The following RAD52 variants were observed in gnomAD, a reference collection of about 807,000 sequenced individuals.
RAD52 encodes RAD52 DNA repair protein.
A neutral mutation model predicts 55.5 loss-of-function variants in RAD52; 47 were observed. That is an observed-to-expected ratio of 0.85 (90% CI 0.67 to 1.08). The LOEUF is 1.08. RAD52 is among the 50% of genes least tolerant of loss of function. The pLI is 0.00. For missense variants in RAD52, 468 were observed against 522.8 expected (o/e 0.90, Z 1.02); for synonymous variants, 184 against 198.9 (o/e 0.92, Z 0.63).
intron 1 of RAD52, among the ~76,000 whole-genome samples, chr12:965,886 C>CT (rs1565706696): frequency 6.6e-6 from 1 of 151,984 alleles, no homozygotes; most frequent in Non-Finnish European, 1.5e-5. Context: ...AGGGTTTCGC[C>CT]TGTTGGCCAG....
At chr12:923,345 G>C (rs1216470821) in intron 7 of RAD52, among the ~76,000 whole-genome samples, 1 of 151,798 alleles carries the variant, frequency 6.6e-6, no homozygotes, top group African/African-American at 2.4e-5. Flanking sequence ...TTCATGACCA[G>C]CCCTGAGAAA....
chr12:985,760 A>G (rs1959077618), intron 1 of RAD52, among the ~76,000 whole-genome samples: 1 of 152,080 alleles, frequency 6.6e-6, no homozygotes, highest in Non-Finnish European at 1.5e-5. Context: ...CTCCTGCCTC[A>G]GCCTCCCGAG....
chr12:959,298 A>G (rs1461261808), intron 1 of RAD52, among the ~76,000 whole-genome samples: 1 of 152,220 alleles, frequency 6.6e-6, no homozygotes, highest in African/African-American at 2.4e-5. Flanking sequence ...CCTCTTAGCT[A>G]TACTACCTTA....
At chr12:982,913 G>A (rs763130048) in intron 1 of RAD52, among the ~76,000 whole-genome samples, 33 of 151,806 alleles carry the variant, frequency 2.2e-4, no homozygotes, top group Non-Finnish European at 1.2e-4. Flanking sequence ...GCAGTAGCAT[G>A]ATCTTGGCTC....
In RAD52 at chr12:987,681, C is replaced by T. The variant is rs536976728; in HGVS notation, c.-19+2128G>A. On this transcript the variant is annotated intron_variant, in intron 1 of 11. Coordinates refer to the RAD52 transcript ENST00000430095. ...GCTTAAGCTATCCTCCCACCTCAGC[C>T]ACCTGAGTAGCTGGGATTACAGGCA... is the stretch of plus-strand genomic sequence containing the variant. Among the ~76,000 whole-genome samples the T allele has an allele frequency of 2.6e-5, 4 of 152,030 alleles. No individual in the cohort carries two copies. The East Asian group carries it at 7.7e-4, about 29-fold the overall frequency.
intron 1 of RAD52, among the ~76,000 whole-genome samples, chr12:941,052 T>C (rs1957893535): frequency 6.6e-6 from 1 of 152,088 alleles, no homozygotes; most frequent in African/African-American, 2.4e-5. Flanking sequence ...AATTTACAGA[T>C]TTAAGAAGCT....
chr12:980,375 C>A (rs1958997635), intron 1 of RAD52, among the ~76,000 whole-genome samples: 2 of 151,164 alleles, frequency 1.3e-5, no homozygotes, highest in Middle Eastern at 3.4e-3. Flanking sequence ...CCCACTGCAA[C>A]CTCTGCCTCC....
chr12:945,389 A>C (rs904800142), intron 1 of RAD52, among the ~76,000 whole-genome samples: 1 of 151,598 alleles, frequency 6.6e-6, no homozygotes, highest in Non-Finnish European at 1.5e-5. Context: ...TTGAAATCTC[A>C]AAATGTCATT....
intron 1 of RAD52, among the ~76,000 whole-genome samples, chr12:941,367 G>A (rs1204991429): frequency 2.0e-5 from 3 of 152,026 alleles, no homozygotes; most frequent in African/African-American, 7.2e-5. Flanking sequence ...TGCCCAGGCT[G>A]GAGTGCAATG....
intron 1 of RAD52, 33 bp from the exon 2 acceptor site, chr12:933,109 C>A (rs1171660897): frequency 2.8e-6 from 4 of 1,441,204 alleles, no homozygotes; most frequent in Non-Finnish European, 3.8e-6. Flanking sequence ...AAAAAAACAA[C>A]CCTCAAAGAA....
intron 5 of RAD52, 75 bp from the exon 6 acceptor site, chr12:927,338 G>T (rs1957093202): frequency 1.8e-6 from 2 of 1,117,352 alleles, no homozygotes; most frequent in Non-Finnish European, 2.7e-6. Flanking sequence ...TCCTCAAGCA[G>T]CAGGGTTCAA....
At chr12:961,631 T>C (rs754187899) in intron 1 of RAD52, among the ~76,000 whole-genome samples, 14 of 151,614 alleles carry the variant, frequency 9.2e-5, no homozygotes, top group Admixed American at 2.0e-4. Context: ...GAGGCTGAGG[T>C]GGGTAGATTA....
At chr12:915,899 T>G (rs1956342775) in intron 9 of RAD52, among the ~76,000 whole-genome samples, 1 of 152,154 alleles carries the variant, frequency 6.6e-6, no homozygotes, top group Admixed American at 6.5e-5. Context: ...GTATTTTTAA[T>G]AGAGACGGGG....
chr12:927,210 G>A lies in RAD52; in HGVS notation c.402C>T (p.Ser134=), dbSNP rs776426980. ...VGYGVSEGLK[S]KALSLEKARK... ...TTGCCTTCTCCAAAGATAAAGCCTT[G>A]GACTTGAGGCCCTCACTAACACCAT... is the stretch of plus-strand genomic sequence containing the variant. Residue 134 remains serine (S), a synonymous_variant, in exon 6 of 12, where the codon TCC becomes TCT. Transcript: ENST00000358495. 2 of 1,614,074 alleles carry A rather than the reference G, an allele frequency of 1.2e-6. No homozygotes were observed. Among genetic ancestry groups the A allele is most frequent in the Non-Finnish European group, 1.7e-6 (2 of 1,180,014 alleles).
chr12:935,324 C>T lies in RAD52; in HGVS notation c.-18-2248G>A, dbSNP rs184346412. ...GAGGCCCCAACATTCAGGAAGGCTACAGAGCAAAAAGCCACTTCACTTCCT... is the reference window on the plus strand; with the variant it reads ...GAGGCCCCAACATTCAGGAAGGCTATAGAGCAAAAAGCCACTTCACTTCCT... On this transcript the variant is annotated intron_variant, in intron 1 of 11. Transcript: ENST00000358495. Among the ~76,000 whole-genome samples the T allele has an allele frequency of 1.1e-4, 16 of 149,436 alleles. 1 individual carries two copies. In the East Asian group the frequency reaches 2.9e-3, roughly 27 times the overall value.
intron 1 of RAD52, among the ~76,000 whole-genome samples, chr12:936,609 C>T (rs531317770): frequency 3.9e-5 from 6 of 152,106 alleles, no homozygotes; most frequent in East Asian, 3.9e-4. Flanking sequence ...CCTCCCACTG[C>T]GGCCTCCAGA....
At chr12:957,885 T>C (rs1454753396) in intron 1 of RAD52, among the ~76,000 whole-genome samples, 2 of 152,276 alleles carry the variant, frequency 1.3e-5, no homozygotes, top group African/African-American at 2.4e-5. Context: ...CCTACTTTGT[T>C]ACCAGGAATA....
Position 916,776 on chromosome 12 carries a change from A to G in RAD52, c.588T>C (p.Leu196=). The change falls in exon 8 of 12, where the codon CTT becomes CTC. Residue 196 remains leucine, a synonymous_variant. Transcript: ENST00000358495. The part of the protein sequence containing the change: ...VDLTKAKRQD[L]EPSVEEARYN... ...ATCTTGCCTCCTCCACAGACGGTTCAAGATCTTGTCTCTTCGCTTTAGTTA... is the reference window on the plus strand; with the variant it reads ...ATCTTGCCTCCTCCACAGACGGTTCGAGATCTTGTCTCTTCGCTTTAGTTA... 1 of 1,613,804 alleles carries G rather than the reference A, an allele frequency of 6.2e-7. No individual in the cohort carries two copies. Among genetic ancestry groups the G allele is most frequent in the Non-Finnish European group, 8.5e-7 (1 of 1,179,748 alleles).
chr12:913,916 A>T lies in RAD52; in HGVS notation c.1173T>A (p.Tyr391Ter). 6.2e-7 allele frequency: 1 copy of T among 1,614,136 alleles called. No homozygotes were observed. The highest frequency in any genetic ancestry group is 2.2e-5 in the East Asian group (1 of 44,882). Reference protein sequence around the residue: ...AKSGSWDLQTYSADQRTTGNW... With the variant: ...AKSGSWDLQT ...TACCTGTTGTGCGTTGGTCAGCGCT[A>T]TAAGTTTGGAGGTCCCAAGATCCAG... The change falls in exon 11 of 12, where the codon TAT becomes TAA. Residue 391 changes from tyrosine to a stop codon, truncating the protein, a stop_gained. Transcript: ENST00000358495. LOFTEE classifies it high-confidence loss of function.
Sources: allele counts gnomAD v4.1 joint callset (sites outside exome capture counted in the v4.1 genomes callset), GRCh38; gene constraint gnomAD v4.1.1; transcripts MANE v1.5; gene names NCBI Gene and HGNC (gene_info 2026-07-23, HGNC 2026-07-21).